CBLN2: variants seen among roughly 807,000 people sequenced by gnomAD.
CBLN2 encodes the protein cerebellin-2.
In CBLN2, 7 loss-of-function variants were observed where a neutral mutation model predicts 15.0. The ratio of observed to expected loss-of-function variants is 0.47; its 90% CI spans 0.27 to 0.88. The LOEUF (loss-of-function observed/expected upper bound fraction) is 0.88. CBLN2 is among the 40% of genes least tolerant of loss of function. The pLI, the probability that CBLN2 is intolerant of heterozygous loss-of-function variation, is 0.14. For missense variants in CBLN2, 242 were observed against 304.5 expected (o/e 0.79, Z 1.53); for synonymous variants, 149 against 135.2 (o/e 1.10, Z -0.71).
At chr18:72,586,668 TCA>T (rs1452342656) in intron 1 of CBLN2, among the ~76,000 whole-genome samples, 1 of 152,194 alleles carries the variant, frequency 6.6e-6, no homozygotes, top group East Asian at 1.9e-4. Context: ...TCATTTGTAC[TCA>T]CACAGTACGT....
intron 1 of CBLN2, among the ~76,000 whole-genome samples, chr18:72,593,318 T>C (rs1295707674): frequency 6.6e-6 from 1 of 152,194 alleles, no homozygotes; most frequent in African/African-American, 2.4e-5. Context: ...TTTTTCATTG[T>C]CGGCATATAG....
rs567625699 is a variant in CBLN2, at chr18:72,616,570, C to G, written c.15+21755G>C. Among the ~76,000 whole-genome samples the G allele has an allele frequency of 8.5e-5, 13 of 152,188 alleles. No individual in the cohort carries two copies. The East Asian group carries it at 2.5e-3, about 29-fold the overall frequency. ...GTGTGGAAAGGATATGATTTTGATT[C>G]CTTTTGAGTATTTGTTTGAGTATGG... On this transcript the variant is annotated intron_variant, in intron 1 of 2. Coordinates refer to the CBLN2 transcript ENST00000581073.
intron 1 of CBLN2, among the ~76,000 whole-genome samples, chr18:72,562,203 G>A (rs1175212866): frequency 6.6e-6 from 1 of 152,144 alleles, no homozygotes; most frequent in East Asian, 1.9e-4. Flanking sequence ...GACTGATACG[G>A]GGTGTGAGGA....
intron 1 of CBLN2, among the ~76,000 whole-genome samples, chr18:72,575,543 G>A (rs1191816184): frequency 3.3e-5 from 5 of 152,150 alleles, no homozygotes; most frequent in Admixed American, 3.3e-4. Context: ...GCAGTGAGAA[G>A]GGAGGTCCAT....
rs72634443 is a variant in CBLN2, at chr18:72,569,658, G to A, written c.16-30886C>T. The stretch of plus-strand genomic sequence containing the variant: ...GAAGGGGGATCAGGCCCCACACATG[G>A]CGAAGGGGAGAGCAAGAGAGAGAGG... On this transcript the variant is annotated intron_variant, in intron 1 of 2. Coordinates refer to the CBLN2 transcript ENST00000581073. Among the ~76,000 whole-genome samples, 4,488 of 152,184 alleles carry A rather than the reference G, an allele frequency of 0.029. 621 individuals carry two copies. The East Asian group carries it at 0.47, about 16-fold the overall frequency.
At position 72,542,208 on chromosome 18, in the gene CBLN2, C is replaced by G. The variant is rs1413750415; in HGVS notation, c.-48G>C. 2.9e-5 allele frequency: 34 copies of G among 1,158,650 alleles called. No individual in the cohort carries two copies. Among genetic ancestry groups the G allele is most frequent in the Non-Finnish European group, 3.4e-5 (32 of 938,602 alleles). The allele number at this position is 1,158,650 out of a possible 1,614,324, so 71.8% of individuals were successfully genotyped here. A position where few individuals can be genotyped will look rare whatever the true frequency, so the allele number is the denominator to read the frequency against. On this transcript the variant is annotated 5_prime_UTR_variant, in exon 3 of 5. Transcript: ENST00000269503. ...GCGGGGGTGGAGGCCGGCGCCGGCGCGAGCGGCGCGGAAGGGCGCGAAGGA... is the reference window on the plus strand; with the variant it reads ...GCGGGGGTGGAGGCCGGCGCCGGCGGGAGCGGCGCGGAAGGGCGCGAAGGA...
At chr18:72,593,823 G>T (rs994480215) in intron 1 of CBLN2, among the ~76,000 whole-genome samples, 10 of 152,068 alleles carry the variant, frequency 6.6e-5, no homozygotes, top group Non-Finnish European at 1.3e-4. Flanking sequence ...ATTTGCATAT[G>T]TCATGCATGC....
intron 1 of CBLN2, chr18:72,552,754 G>A (rs1474303247): frequency 6.6e-6 from 1 of 152,090 alleles, no homozygotes; most frequent in Non-Finnish European, 1.5e-5. Flanking sequence ...GAAGGCTAGC[G>A]ATAGTGAGCT....
Position 72,542,051 on chromosome 18 carries a change from G to T in CBLN2, c.110C>A (p.Ala37Asp). The change falls in exon 3 of 5, where the codon GCC becomes GAC. Residue 37 changes from alanine (A) to aspartate (D), a missense_variant. This residue lies in a region of CBLN2 where 96 missense variants were observed against 83.8 expected (regional missense o/e 1.15). Coordinates refer to ENST00000269503, the MANE Select transcript of CBLN2 (RefSeq NM_182511.4). The part of the protein sequence containing the change: ...GCGSCLGVAL[A>D]LLLLLLPACC... ...GGCGGGCAGTAGCAGCAACAGCAGG[G>T]CCAGCGCCACCCCCAGGCAGGATCC... is the stretch of plus-strand genomic sequence containing the variant. The T allele has an allele frequency of 6.3e-7, 1 of 1,584,508 alleles. No homozygotes were observed. Among genetic ancestry groups the T allele is most frequent in the Non-Finnish European group, 8.5e-7 (1 of 1,174,638 alleles).
At chr18:72,624,915 T>C (rs1290211063) in intron 1 of CBLN2, among the ~76,000 whole-genome samples, 1 of 152,192 alleles carries the variant, frequency 6.6e-6, no homozygotes, top group Non-Finnish European at 1.5e-5. Context: ...TATTAAATCC[T>C]GTTATACCAA....
chr18:72,565,399 A>C (rs2144898970), intron 1 of CBLN2, among the ~76,000 whole-genome samples: 1 of 152,258 alleles, frequency 6.6e-6, no homozygotes. Flanking sequence ...GTTAAAAATC[A>C]GATTTCTAGT....
At chr18:72,611,105 T>A (rs1266218621) in intron 1 of CBLN2, among the ~76,000 whole-genome samples, 2 of 152,208 alleles carry the variant, frequency 1.3e-5, no homozygotes, top group East Asian at 3.8e-4. Flanking sequence ...TATTTCATGG[T>A]GTATATGTAC....
intron 1 of CBLN2, among the ~76,000 whole-genome samples, chr18:72,576,813 T>C (rs2069370222): frequency 6.6e-6 from 1 of 150,996 alleles, no homozygotes; most frequent in African/African-American, 2.4e-5. Flanking sequence ...AAACTCCATA[T>C]GTAAAAAACT....
At chr18:72,594,155 A>G (rs1431587662) in intron 1 of CBLN2, among the ~76,000 whole-genome samples, 1 of 152,146 alleles carries the variant, frequency 6.6e-6, no homozygotes, top group African/African-American at 2.4e-5. Context: ...TAGGGGAGGG[A>G]TAACATTAAG....
chr18:72,572,280 A>G (rs763586443), intron 1 of CBLN2, among the ~76,000 whole-genome samples: 1 of 152,178 alleles, frequency 6.6e-6, no homozygotes, highest in Non-Finnish European at 1.5e-5. Flanking sequence ...TTTTTACAAA[A>G]GAGTTTTATG....
intron 1 of CBLN2, among the ~76,000 whole-genome samples, chr18:72,569,206 T>C (rs185968057): frequency 6.6e-6 from 1 of 152,356 alleles, no homozygotes; most frequent in African/African-American, 2.4e-5. Context: ...GGCAAAATTT[T>C]ATTCTTTTTA....
intron 1 of CBLN2, among the ~76,000 whole-genome samples, chr18:72,625,804 CTCTCTCTCTCTCTCTA>C (rs2069733560): frequency 1.1e-4 from 6 of 56,382 alleles, no homozygotes; most frequent in Admixed American, 2.6e-4. Flanking sequence ...CTCTCTCTCT[CTCTCTCTCTCTCTCTA>C]TATATATATA....
chr18:72,549,242 C>T (rs150788949), upstream of CBLN2, among the ~76,000 whole-genome samples: 247 of 152,222 alleles, frequency 1.6e-3, no homozygotes, highest in African/African-American at 5.8e-3. Context: ...GAGGTCCTGA[C>T]CTCAAGTGAT....
intron 1 of CBLN2, among the ~76,000 whole-genome samples, chr18:72,599,941 C>T (rs1315569945): frequency 6.6e-6 from 1 of 152,148 alleles, no homozygotes. Context: ...AGCTGGGATT[C>T]TATGGGAAGC....
Sources: allele counts gnomAD v4.1 joint callset (sites outside exome capture counted in the v4.1 genomes callset), GRCh38; gene constraint gnomAD v4.1.1; regional missense constraint gnomAD v4.1.1; transcripts MANE v1.5; gene names NCBI Gene and HGNC (gene_info 2026-07-23, HGNC 2026-07-21).